ANKRD40: variants seen among roughly 807,000 people sequenced by gnomAD.
The protein encoded by ANKRD40 is ankyrin repeat domain-containing protein 40.
In ANKRD40, 24 loss-of-function variants were observed where a neutral mutation model predicts 35.5. That is an observed-to-expected ratio of 0.68 (90% confidence interval 0.49 to 0.95). The LOEUF (loss-of-function observed/expected upper bound fraction) is 0.95. ANKRD40 is among the 40% of genes least tolerant of loss of function. The pLI is 0.00. For synonymous variants in ANKRD40, 147 were observed against 173.5 expected (o/e 0.85, Z 1.20); for missense variants, 361 against 436.0 (o/e 0.83, Z 1.53).
At position 50,707,188 on chromosome 17, in the gene ANKRD40, G is replaced by T. The variant is rs1968350604; in HGVS notation, c.134+333C>A. On this transcript the variant is annotated intron_variant, in intron 1 of 4. Transcript: ENST00000285243. This position sits in a 1 kb window ranked among gnomAD's most constrained non-coding sequence, Gnocchi z 4.8. The stretch of plus-strand genomic sequence containing the variant: ...GCAAATTAACTCAACACTCGAATTG[G>T]GGTGAGCTCCAACGCATAGTCGCTG... Among the ~76,000 whole-genome samples, 1 of 152,160 alleles carries T rather than the reference G, an allele frequency of 6.6e-6. No homozygotes were observed. The highest frequency in any genetic ancestry group is 2.1e-4 in the South Asian group (1 of 4,834).
At position 50,699,756 on chromosome 17, in the gene ANKRD40, C is replaced by T; in HGVS notation, c.421G>A (p.Ala141Thr). 3.1e-6 allele frequency: 5 copies of T among 1,610,632 alleles called. No individual in the cohort carries two copies. Among genetic ancestry groups the T allele is most frequent in the Non-Finnish European group, 4.2e-6 (5 of 1,177,910 alleles). ...GAGGGGCCCCCATTCTGCATCTGGG[C>T]TGAATCCTCTGCTGTGGGTGTATAG... ...FIYTPTAEDS[A>T]QMQNGGPSTP... Residue 141 changes from alanine (A) to threonine (T), a missense_variant, in exon 3 of 5, where the codon GCC becomes ACC. By Grantham distance (58) the Ala-to-Thr change is moderately conservative (BLOSUM62 0). This residue lies in a region of ANKRD40 where 172 missense variants were observed against 174.0 expected (regional missense o/e 0.99). Transcript: ENST00000285243.
rs369499265 is a variant in ANKRD40, at chr17:50,699,502, G to A, written c.675C>T (p.Ser225=). Residue 225 remains serine, a synonymous_variant, in exon 3 of 5, where the codon TCC becomes TCT. Coordinates refer to ENST00000285243, the MANE Select transcript of ANKRD40 (RefSeq NM_052855.4). The part of the protein sequence containing the change: ...QSRSLFSSVP[S]KPPMSLEPQN... Reference sequence around the variant, plus strand: ...GAGGCTCCAGAGACATTGGTGGCTTGGACGGGACAGAAGAAAACAGGGAGC... The same window carrying A: ...GAGGCTCCAGAGACATTGGTGGCTTAGACGGGACAGAAGAAAACAGGGAGC... 5.0e-6 allele frequency: 8 copies of A among 1,614,104 alleles called. No individual in the cohort carries two copies. In the African/African-American group the frequency reaches 8.0e-5, roughly 16 times the overall value.
In ANKRD40 at chr17:50,707,455, C is replaced by G. The variant is rs1968353934; in HGVS notation, c.134+66G>C. On this transcript the variant is annotated intron_variant, in intron 1 of 4. Coordinates refer to ENST00000285243, the MANE Select transcript of ANKRD40 (RefSeq NM_052855.4). This position sits in a 1 kb window ranked among gnomAD's most constrained non-coding sequence, Gnocchi z 4.8. ...GGCGTCCCGCGCTGGGCCCAGGTCG[C>G]GACTGACTGCCCCACGCCTTCCGAC... 6.4e-7 allele frequency: 1 copy of G among 1,561,062 alleles called. No individual in the cohort carries two copies. The highest frequency in any genetic ancestry group is 8.7e-7 in the Non-Finnish European group (1 of 1,154,910).
At chr17:50,698,054 G>T (rs1390782800) in intron 3 of ANKRD40, among the ~76,000 whole-genome samples, 4 of 151,630 alleles carry the variant, frequency 2.6e-5, no homozygotes, top group African/African-American at 9.7e-5. Flanking sequence ...TGATATACCT[G>T]TAGCAATGAG....
intron 1 of ANKRD40, among the ~76,000 whole-genome samples, chr17:50,701,368 A>G (rs1217646198): frequency 6.6e-6 from 1 of 152,248 alleles, no homozygotes; most frequent in Non-Finnish European, 1.5e-5. Context: ...AAGGCACTGC[A>G]CACATACTTT....
intron 3 of ANKRD40, among the ~76,000 whole-genome samples, chr17:50,698,629 T>C (rs937372781): frequency 1.3e-5 from 2 of 152,126 alleles, no homozygotes; most frequent in African/African-American, 4.8e-5. Flanking sequence ...CTGGGCAGGA[T>C]GCAGGGGGCA....
chr17:50,696,853 T>C (rs1407555772), intron 4 of ANKRD40, 87 bp downstream of exon 4: 2 of 1,224,846 alleles, frequency 1.6e-6, no homozygotes, highest in Admixed American at 2.6e-5. Context: ...TCTTTGTTTA[T>C]TCCCTCAACT....
intron 1 of ANKRD40, among the ~76,000 whole-genome samples, chr17:50,701,561 G>A (rs932936350): frequency 6.6e-6 from 1 of 152,188 alleles, no homozygotes; most frequent in Non-Finnish European, 1.5e-5. Flanking sequence ...TAGCATGCCA[G>A]CAAAAACTCC....
At position 50,707,470 on chromosome 17, in the gene ANKRD40, C is replaced by G; in HGVS notation, c.134+51G>C. 1 of 1,577,602 alleles carries G rather than the reference C, an allele frequency of 6.3e-7. No individual in the cohort carries two copies. The highest frequency in any genetic ancestry group is 8.6e-7 in the Non-Finnish European group (1 of 1,162,714). ...GCCCAGGTCGCGACTGACTGCCCCA[C>G]GCCTTCCGACCGGCTGCCCTGACCC... On this transcript the variant is annotated intron_variant, in intron 1 of 4. Coordinates refer to ENST00000285243, the MANE Select transcript of ANKRD40 (RefSeq NM_052855.4). This position sits in a 1 kb window ranked among gnomAD's most constrained non-coding sequence, Gnocchi z 4.8.
rs201226718 is a variant in ANKRD40, at chr17:50,702,399, CA to C, written c.135-1684del. On this transcript the variant is annotated intron_variant, in intron 1 of 4. Coordinates refer to ENST00000285243, the MANE Select transcript of ANKRD40 (RefSeq NM_052855.4). The stretch of plus-strand genomic sequence containing the variant: ...TGGGCAACACAGCAAGACTCCATCT[CA>C]AAAAAAAAAAAAGTACCAAATGAGT... 4.1e-3 allele frequency among the ~76,000 whole-genome samples: 577 copies of C among 140,156 alleles called. 2 individuals carry two copies. The highest frequency in any genetic ancestry group is 4.2e-3 in the Non-Finnish European group (273 of 64,362). The allele number at this position is 140,156 out of a possible 152,430, so 91.9% of individuals were successfully genotyped here.
At chr17:50,706,903 CAAAA>C (rs35024672) in intron 1 of ANKRD40, among the ~76,000 whole-genome samples, 1 of 37,984 alleles carries the variant, frequency 2.6e-5, no homozygotes, top group African/African-American at 1.1e-4. Context: ...GACCCTGTCT[CAAAA>C]AAAAAAAAAA....
In ANKRD40 at chr17:50,707,698, C is replaced by T. The variant is rs1968359351; in HGVS notation, c.-44G>A. ...CCCCGCCCAGGCCCGCCTGCCCCGC[C>T]CCGCCCGGGGCCTGTCAGCGCCGCC... On this transcript the variant is annotated 5_prime_UTR_variant, in exon 1 of 5. Transcript: ENST00000285243. This position sits in a 1 kb window ranked among gnomAD's most constrained non-coding sequence, Gnocchi z 4.8. 2.3e-6 allele frequency: 3 copies of T among 1,324,040 alleles called. No individual in the cohort carries two copies. The highest frequency in any genetic ancestry group is 1.9e-6 in the Non-Finnish European group (2 of 1,034,618). The allele number at this position is 1,324,040 out of a possible 1,614,324, so 82.0% of individuals were successfully genotyped here. A position where few individuals can be genotyped will look rare whatever the true frequency, so the allele number is the denominator to read the frequency against.
chr17:50,697,271 C>T (rs781481880), intron 3 of ANKRD40, 150 bp from the exon 4 acceptor site: 10 of 775,960 alleles, frequency 1.3e-5, no homozygotes, highest in South Asian at 2.1e-5. Flanking sequence ...CCAAGTGCAG[C>T]CAGCAGGGTT....
At chr17:50,704,916 C>T (rs532751117) in intron 1 of ANKRD40, among the ~76,000 whole-genome samples, 44 of 152,152 alleles carry the variant, frequency 2.9e-4, no homozygotes, top group African/African-American at 9.6e-4. Context: ...AGATCGAGAC[C>T]ATCCTGGCTA....
chr17:50,699,539 A>C lies in ANKRD40; in HGVS notation c.638T>G (p.Val213Gly). 6.2e-7 allele frequency: 1 copy of C among 1,614,226 alleles called. No individual in the cohort carries two copies. Among genetic ancestry groups the C allele is most frequent in the Non-Finnish European group, 8.5e-7 (1 of 1,180,040 alleles). Reference sequence around the variant, plus strand: ...AGAAAACAGGGAGCGGCTCTGACTCACTGGTGGCTGACAAACAGGACCCGG... The same window carrying C: ...AGAAAACAGGGAGCGGCTCTGACTCCCTGGTGGCTGACAAACAGGACCCGG... ...TKPGPVCQPP[V>G]SQSRSLFSSV... Residue 213 changes from valine to glycine, a missense_variant, in exon 3 of 5, where the codon GTG becomes GGG. By Grantham distance (109) the Val-to-Gly change is moderately radical. Transcript: ENST00000285243.
chr17:50,706,373 G>A (rs894026203), intron 1 of ANKRD40, among the ~76,000 whole-genome samples: 3 of 152,114 alleles, frequency 2.0e-5, no homozygotes, highest in African/African-American at 7.2e-5. Flanking sequence ...GCCCACCTCA[G>A]CCTCCCAAAG....
chr17:50,700,760 T>C (rs1282001118), intron 1 of ANKRD40, 44 bp from the exon 2 acceptor site: 1 of 1,566,824 alleles, frequency 6.4e-7, no homozygotes, highest in African/African-American at 1.4e-5. Context: ...AGAAGTGATT[T>C]TGGATTTCAG....
At chr17:50,696,314 T>G (rs72839236) in intron 4 of ANKRD40, among the ~76,000 whole-genome samples, 171 bp from the exon 5 acceptor site, 5,453 of 151,716 alleles carry the variant, frequency 0.036, 148 homozygotes, top group Middle Eastern at 0.082. Context: ...GATGATTGGG[T>G]TGCAAAGTGG....
chr17:50,698,230 C>T (rs188984785), intron 3 of ANKRD40, among the ~76,000 whole-genome samples: 254 of 151,742 alleles, frequency 1.7e-3, no homozygotes, highest in Non-Finnish European at 2.7e-3. Context: ...ATGCTATAAG[C>T]CCGGAACATC....
Sources: gnomAD v4.1 joint callset for allele counts (sites outside exome capture counted in the v4.1 genomes callset) on GRCh38, gnomAD v4.1.1 for gene constraint, gnomAD v4.1.1 regional missense constraint, Gnocchi (gnomAD v3.1) non-coding constraint, MANE v1.5 for transcripts, NCBI Gene and HGNC (gene_info 2026-07-23, HGNC 2026-07-21) for gene names.